Variants in SLC9A1 observed in about 807,000 individuals in gnomAD.
The protein encoded by SLC9A1 is solute carrier family 9 member A1, also known as sodium/hydrogen exchanger 1.
SLC9A1 carries 22 observed loss-of-function variants against 67.9 expected under a neutral mutation model. That is an observed-to-expected ratio of 0.32 (90% confidence interval 0.23 to 0.46). SLC9A1 has a LOEUF of 0.46. Ranked by LOEUF, SLC9A1 falls within the 20% of genes least tolerant of loss-of-function variation. The pLI, the probability that SLC9A1 is intolerant of heterozygous loss-of-function variation, is 1.00. For missense variants in SLC9A1, 686 were observed against 1,094.8 expected (o/e 0.63, Z 5.27); for synonymous variants, 421 against 471.8 (o/e 0.89, Z 1.40).
At position 27,102,025 on chromosome 1, in the gene SLC9A1, G is replaced by A. The variant is rs755768886; in HGVS notation, c.1926C>T (p.Thr642=). 1.3e-5 allele frequency: 21 copies of A among 1,611,772 alleles called. No individual in the cohort carries two copies. Among genetic ancestry groups the A allele is most frequent in the African/African-American group, 2.7e-5 (2 of 74,898 alleles). ...RKILRNNLQK[T]RQRLRSYNRH... ...GGGAGCAGGCCCTCACCCGCTGCCT[G>A]GTCTTCTGCAAGTTGTTCCTCAGGA... is the stretch of plus-strand genomic sequence containing the variant. Residue 642 remains threonine, a synonymous_variant, in exon 9 of 12, where the codon ACC becomes ACT. Coordinates refer to ENST00000263980, the MANE Select transcript of SLC9A1 (RefSeq NM_003047.5).
chr1:27,113,662 T>C (rs1485406140), intron 2 of SLC9A1, among the ~76,000 whole-genome samples, 164 bp downstream of exon 2: 1 of 152,208 alleles, frequency 6.6e-6, no homozygotes, highest in Non-Finnish European at 1.5e-5. Flanking sequence ...TTAAATGAGA[T>C]AATCCATGCC....
intron 5 of SLC9A1, among the ~76,000 whole-genome samples, chr1:27,104,432 G>A (rs2083170189): frequency 6.6e-6 from 1 of 151,992 alleles, no homozygotes; most frequent in Admixed American, 6.6e-5. Context: ...CACACAGGCT[G>A]GAGGAGTCAC....
rs1045426698 is a variant in SLC9A1 at position 27,098,877 on chromosome 1, AGTGGCAGCAGCTGCG to A, written c.*1415_*1429del. 4.6e-5 allele frequency: 7 copies of A among 152,642 alleles called. No individual in the cohort carries two copies. The highest frequency in any genetic ancestry group is 1.7e-4 in the African/African-American group (7 of 41,462). The allele number at this position is 152,642 out of a possible 1,614,324, so 9.5% of individuals were successfully genotyped here. On this transcript the variant is annotated 3_prime_UTR_variant, in exon 12 of 12. Transcript: ENST00000263980. ...TCAGTTTCTTCTGTACAGGCAGCAG[AGTGGCAGCAGCTGCG>A]GTGGCTTGGTACGTGGTTGTCGATG...
chr1:27,109,824 C>A lies in SLC9A1; in HGVS notation c.814-47G>T, dbSNP rs200303755. ...GTGGGTGGGAGGAGAGGGCCCTGGC[C>A]CCACGGTTCCCTGGGGTCCACCCAG... is the stretch of plus-strand genomic sequence containing the variant. On this transcript the variant is annotated intron_variant, in intron 2 of 11. Coordinates refer to ENST00000263980, the MANE Select transcript of SLC9A1 (RefSeq NM_003047.5). This position sits in a 1 kb window ranked among gnomAD's most constrained non-coding sequence, Gnocchi z 5.5. 3 of 1,606,564 alleles carry A rather than the reference C, an allele frequency of 1.9e-6. No homozygotes were observed. The highest frequency in any genetic ancestry group is 2.2e-5 in the South Asian group (2 of 90,424).
rs372414685 is a variant in SLC9A1 at position 27,100,687 on chromosome 1, G to A, written c.2111-43C>T. On this transcript the variant is annotated intron_variant, in intron 11 of 11. Transcript: ENST00000263980. This position sits in a 1 kb window ranked among gnomAD's most constrained non-coding sequence, Gnocchi z 5.6. ...GGCACAAGCTGGGTTCCGCTCTGGA[G>A]CCCGGCCCAGCACGTGCCACTCGGC... The A allele has an allele frequency of 6.6e-7, 1 of 1,510,378 alleles. No individual in the cohort carries two copies. The highest frequency in any genetic ancestry group is 9.0e-7 in the Non-Finnish European group (1 of 1,109,010). The allele number at this position is 1,510,378 out of a possible 1,614,324, so 93.6% of individuals were successfully genotyped here.
intron 1 of SLC9A1, among the ~76,000 whole-genome samples, chr1:27,130,212 C>T (rs971758630): frequency 3.3e-5 from 5 of 152,238 alleles, no homozygotes; most frequent in African/African-American, 9.6e-5. Context: ...GCGATTGTCC[C>T]GCCTCAGCCT....
chr1:27,107,228 CCCAACCCCT>C (rs2083193434), intron 4 of SLC9A1, among the ~76,000 whole-genome samples: 2 of 75,298 alleles, frequency 2.7e-5, no homozygotes, highest in Admixed American at 1.3e-4. Context: ...TCTACACACA[CCCAACCCCT>C]ACACACACAC....
At chr1:27,112,213 C>A (rs2083232972) in intron 2 of SLC9A1, among the ~76,000 whole-genome samples, 1 of 152,184 alleles carries the variant, frequency 6.6e-6, no homozygotes, top group East Asian at 1.9e-4. Context: ...TGGAGGCCTG[C>A]CTGCTCAGGT....
In SLC9A1 at chr1:27,120,122, TTTTTGTTTTG is replaced by T. The variant is rs371754030; in HGVS notation, c.353-5846_353-5837del. The stretch of plus-strand genomic sequence containing the variant: ...TTTCTGCTGTGGGGATGGGAGGTTT[TTTTTGTTTTG>T]TTTTGTTTTGTTTTGTTTTGGGGGG... On this transcript the variant is annotated intron_variant, in intron 1 of 11. Transcript: ENST00000263980. Among the ~76,000 whole-genome samples the T allele has an allele frequency of 3.8e-3, 579 of 151,536 alleles. 1 individual carries two copies. The highest frequency in any genetic ancestry group is 9.8e-3 in the African/African-American group (402 of 41,080).
intron 1 of SLC9A1, among the ~76,000 whole-genome samples, chr1:27,135,267 G>A (rs1168004787): frequency 6.6e-6 from 1 of 150,866 alleles, no homozygotes; most frequent in African/African-American, 2.4e-5. Context: ...TGCCCAGGCT[G>A]GTCTGAAACT....
At position 27,137,056 on chromosome 1, in the gene SLC9A1, G is replaced by A. The variant is rs1185752799; in HGVS notation, c.352+16927C>T. ...CCCCATCTGCCCCCAGGGCCCACCTGCAACGTGCTGTGTCCCTGCGGCACT... is the reference window on the plus strand; with the variant it reads ...CCCCATCTGCCCCCAGGGCCCACCTACAACGTGCTGTGTCCCTGCGGCACT... On this transcript the variant is annotated intron_variant, in intron 1 of 11. Transcript: ENST00000263980. The surrounding 1 kb of genome is among the most constrained non-coding windows in gnomAD (Gnocchi z 4.6). Among the ~76,000 whole-genome samples, 1 of 152,254 alleles carries A rather than the reference G, an allele frequency of 6.6e-6. No homozygotes were observed. Among genetic ancestry groups the A allele is most frequent in the African/African-American group, 2.4e-5 (1 of 41,474 alleles).
intron 1 of SLC9A1, among the ~76,000 whole-genome samples, chr1:27,116,329 C>T (rs1289011089): frequency 6.6e-6 from 1 of 152,010 alleles, no homozygotes; most frequent in Non-Finnish European, 1.5e-5. Flanking sequence ...CACTGAGCTC[C>T]AGCCAAGATC....
At position 27,102,002 on chromosome 1, in the gene SLC9A1, G is replaced by A. The variant is rs1204837649; in HGVS notation, c.1935+14C>T. 3.1e-6 allele frequency: 5 copies of A among 1,591,136 alleles called. No homozygotes were observed. The highest frequency in any genetic ancestry group is 4.3e-6 in the Non-Finnish European group (5 of 1,159,484). On this transcript the variant is annotated intron_variant, in intron 9 of 11. Transcript: ENST00000263980. ...CCTGTACCCTGGGGGTCGGGCTGGG[G>A]AGCAGGCCCTCACCCGCTGCCTGGT...
At chr1:27,147,473 A>G (rs902795864) in intron 1 of SLC9A1, among the ~76,000 whole-genome samples, 5 of 151,922 alleles carry the variant, frequency 3.3e-5, no homozygotes, top group Non-Finnish European at 5.9e-5. Flanking sequence ...CCTGGGCGAC[A>G]GAGTGAGACT....
chr1:27,136,741 A>C (rs1040817179), intron 1 of SLC9A1, among the ~76,000 whole-genome samples: 6 of 152,086 alleles, frequency 3.9e-5, no homozygotes, highest in Non-Finnish European at 5.9e-5. Flanking sequence ...TTCCCATCTG[A>C]TCAGTTTCTT....
chr1:27,109,369 T>C lies in SLC9A1; in HGVS notation c.1064+158A>G, dbSNP rs1401618593. Among the ~76,000 whole-genome samples, 1 of 152,084 alleles carries C rather than the reference T, an allele frequency of 6.6e-6. No individual in the cohort carries two copies. The highest frequency in any genetic ancestry group is 2.4e-5 in the African/African-American group (1 of 41,424). ...CCACTGATGCCCTTGGCCATTTAAATGGCTACCAAGCAGGTCTGGAGCCTG... is the reference window on the plus strand; with the variant it reads ...CCACTGATGCCCTTGGCCATTTAAACGGCTACCAAGCAGGTCTGGAGCCTG... On this transcript the variant is annotated intron_variant, in intron 3 of 11. Transcript: ENST00000263980. This position sits in a 1 kb window ranked among gnomAD's most constrained non-coding sequence, Gnocchi z 5.5.
Position 27,109,706 on chromosome 1 carries a change from G to A in SLC9A1, c.885C>T (p.Phe295=). The change falls in exon 3 of 12, where the codon TTC becomes TTT. Residue 295 remains phenylalanine (F), a synonymous_variant. Coordinates refer to ENST00000263980, the MANE Select transcript of SLC9A1 (RefSeq NM_003047.5). The surrounding 1 kb of genome is among the most constrained non-coding windows in gnomAD (Gnocchi z 5.5). ...CCAGGGCCACCACGAAGAAGCTCAGGAAGCCGAGGAAGATGTCCACGATGC... is the reference window on the plus strand; with the variant it reads ...CCAGGGCCACCACGAAGAAGCTCAGAAAGCCGAGGAAGATGTCCACGATGC... ...HVGIVDIFLG[F]LSFFVVALGG... 3 of 1,614,076 alleles carry A rather than the reference G, an allele frequency of 1.9e-6. No individual in the cohort carries two copies. In the South Asian group the frequency reaches 3.3e-5, roughly 18 times the overall value.
chr1:27,127,740 C>T (rs1431330545), intron 1 of SLC9A1, among the ~76,000 whole-genome samples: 3 of 152,216 alleles, frequency 2.0e-5, no homozygotes, highest in Non-Finnish European at 4.4e-5. Flanking sequence ...CATTTAGTCT[C>T]AGCTCCAGGG....
intron 1 of SLC9A1, among the ~76,000 whole-genome samples, chr1:27,144,146 A>G (rs2083467865): frequency 6.6e-6 from 1 of 152,230 alleles, no homozygotes; most frequent in African/African-American, 2.4e-5. Flanking sequence ...CCATAAGTAA[A>G]TCTGTCCAGG....
Sources: gnomAD v4.1 joint callset for allele counts (sites outside exome capture counted in the v4.1 genomes callset) on GRCh38, gnomAD v4.1.1 for gene constraint, Gnocchi (gnomAD v3.1) non-coding constraint, MANE v1.5 for transcripts, NCBI Gene and HGNC (gene_info 2026-07-23, HGNC 2026-07-21) for gene names.